Variants in DDX60 observed in about 807,000 individuals in gnomAD.
The protein encoded by DDX60 is probable ATP-dependent RNA helicase DDX60.
DDX60 carries 165 observed loss-of-function variants against 212.8 expected under a neutral mutation model. The observed-to-expected ratio is 0.78, with a 90% CI of 0.68 to 0.88. The LOEUF is 0.88. Among genes scored for constraint, DDX60 ranks in the 40% least tolerant of loss-of-function variants. The pLI, the probability that DDX60 is intolerant of heterozygous loss-of-function variation, is 0.00. For missense variants in DDX60, 1,905 were observed against 2,003.9 expected (o/e 0.95, Z 0.94); for synonymous variants, 703 against 685.3 (o/e 1.03, Z -0.40).
At chr4:168,295,440 G>C (rs1490297109) in intron 6 of DDX60, among the ~76,000 whole-genome samples, 1 of 152,182 alleles carries the variant, frequency 6.6e-6, no homozygotes, top group Non-Finnish European at 1.5e-5. Flanking sequence ...ACACTGCTGA[G>C]CGTTCAAACT....
intron 30 of DDX60, among the ~76,000 whole-genome samples, chr4:168,239,819 T>G (rs1490905784): frequency 6.6e-6 from 1 of 151,962 alleles, no homozygotes; most frequent in Non-Finnish European, 1.5e-5. Context: ...CAGGATCTCA[T>G]AGACTGTGAC....
the DDX60 span, among the ~76,000 whole-genome samples, chr4:168,325,133 G>C: frequency 3.3e-5 from 5 of 152,194 alleles, no homozygotes; most frequent in African/African-American, 1.2e-4. Flanking sequence ...CATTAAGTTT[G>C]TGAGGAGCCA....
At chr4:168,282,877 A>G (rs540595968) in intron 13 of DDX60, among the ~76,000 whole-genome samples, 1 of 152,162 alleles carries the variant, frequency 6.6e-6, no homozygotes, top group South Asian at 2.1e-4. Context: ...TTCCTTATTT[A>G]CTCCTTGTAT....
intron 19 of DDX60, among the ~76,000 whole-genome samples, chr4:168,269,842 C>G (rs1735014361): frequency 6.6e-6 from 1 of 152,106 alleles, no homozygotes; most frequent in Non-Finnish European, 1.5e-5. Flanking sequence ...TACCCAAGAG[C>G]TTTCACGTAT....
In DDX60 at chr4:168,287,135, A is replaced by C; in HGVS notation, c.1252T>G (p.Leu418Val). 1 of 1,612,156 alleles carries C rather than the reference A, an allele frequency of 6.2e-7. No individual in the cohort carries two copies. Among genetic ancestry groups the C allele is most frequent in the Non-Finnish European group, 8.5e-7 (1 of 1,179,120 alleles). Residue 418 changes from leucine to valine, a missense_variant, in exon 10 of 38, where the codon TTG becomes GTG. Leu to Val is a conservative substitution (Grantham distance 32). Transcript: ENST00000393743. ...YEYLWNTVSK[L>V]VRDFEVGQPF... The stretch of plus-strand genomic sequence containing the variant: ...TGTCCAACCTCAAAGTCTCTGACCA[A>C]CTTTGATACGGTATTCCAGAGATAT...
chr4:168,254,734 A>T (rs1189593828), intron 26 of DDX60, among the ~76,000 whole-genome samples: 2 of 152,204 alleles, frequency 1.3e-5, no homozygotes, highest in African/African-American at 4.8e-5. Flanking sequence ...TGCAGGAATC[A>T]AGGAAAGATT....
At chr4:168,243,020 G>A (rs1377464838) in intron 30 of DDX60, among the ~76,000 whole-genome samples, 1 of 152,192 alleles carries the variant, frequency 6.6e-6, no homozygotes, top group South Asian at 2.1e-4. Context: ...TTTAAAAAGA[G>A]GAGTTCCCTT....
At chr4:168,235,958 T>C (rs969851447) in intron 33 of DDX60, 1 of 296,576 alleles carries the variant, frequency 3.4e-6, no homozygotes, top group Non-Finnish European at 6.2e-6. Flanking sequence ...TAATGTATAA[T>C]TAGCATATCT....
chr4:168,289,072 A>G (rs1023165762), intron 8 of DDX60, among the ~76,000 whole-genome samples: 3 of 152,174 alleles, frequency 2.0e-5, no homozygotes, highest in African/African-American at 7.2e-5. Flanking sequence ...TCTCAACTTG[A>G]TCATTCATTA....
chr4:168,223,038 C>A (rs1278966400), intron 35 of DDX60, among the ~76,000 whole-genome samples: 1 of 152,016 alleles, frequency 6.6e-6, no homozygotes, highest in Non-Finnish European at 1.5e-5. Flanking sequence ...TATTCCTTCA[C>A]TTTTCATAAA....
In DDX60 at chr4:168,283,526, T is replaced by C; in HGVS notation, c.1642A>G (p.Thr548Ala). The stretch of plus-strand genomic sequence containing the variant: ...GTCACGATGATTTTCGAAGAGACTG[T>C]TTCTAATGAATTCCCATAAAACCGT... ...FQRFYGNSLE[T>A]VSSKIIVTQT... The change falls in exon 13 of 38, where the codon ACA (threonine) becomes GCA (alanine). Residue 548 changes from threonine (T) to alanine (A), a missense_variant. Coordinates refer to ENST00000393743, the MANE Select transcript of DDX60 (RefSeq NM_017631.6). 1 of 1,613,506 alleles carries C rather than the reference T, an allele frequency of 6.2e-7. No individual in the cohort carries two copies. The highest frequency in any genetic ancestry group is 8.5e-7 in the Non-Finnish European group (1 of 1,179,650).
At chr4:168,252,755 T>C in intron 26 of DDX60, 99 bp from the exon 27 acceptor site, 3 of 805,552 alleles carry the variant, frequency 3.7e-6, no homozygotes, top group Non-Finnish European at 5.8e-6. Flanking sequence ...ACTTCCCAAG[T>C]CAGTCTTCTC....
chr4:168,236,307 C>T lies in DDX60; in HGVS notation c.4478G>A (p.Arg1493Lys), dbSNP rs1373349251. Residue 1493 changes from arginine (R) to lysine (K), a missense_variant, in exon 33 of 38, where the codon AGA becomes AAA. Transcript: ENST00000393743. ...LVLVLAHLFG[R>K]RYFPPKFQDA... Reference sequence around the variant, plus strand: ...TTGGAACTTTGGTGGAAAATATCTTCTTCCAAAGAGATGTGCCAATACTAA... The same window carrying T: ...TTGGAACTTTGGTGGAAAATATCTTTTTCCAAAGAGATGTGCCAATACTAA... 9.3e-6 allele frequency: 15 copies of T among 1,610,810 alleles called. No homozygotes were observed. Among genetic ancestry groups the T allele is most frequent in the Admixed American group, 1.7e-5 (1 of 59,646 alleles).
chr4:168,275,609 C>A, intron 15 of DDX60, 106 bp from the exon 16 acceptor site: 1 of 981,020 alleles, frequency 1.0e-6, no homozygotes, highest in African/African-American at 1.7e-5. Context: ...AAGCATTTTA[C>A]CACCTTTTAA....
chr4:168,242,574 CT>C (rs1238385930), intron 30 of DDX60, among the ~76,000 whole-genome samples: 1 of 152,158 alleles, frequency 6.6e-6, no homozygotes, highest in African/African-American at 2.4e-5. Context: ...TGCATGGGGC[CT>C]GTGGTGCCTT....
intron 30 of DDX60, among the ~76,000 whole-genome samples, chr4:168,240,187 G>A (rs114540512): frequency 0.059 from 8,911 of 151,984 alleles, 451 homozygotes; most frequent in East Asian, 0.15. Flanking sequence ...ACAGACAAGC[G>A]GAGAGCCAAA....
chr4:168,286,706 T>C (rs1038055403), intron 10 of DDX60, among the ~76,000 whole-genome samples: 2 of 152,112 alleles, frequency 1.3e-5, no homozygotes, highest in African/African-American at 4.8e-5. Flanking sequence ...GCTATAATGT[T>C]ATAAAAAGAT....
At chr4:168,290,905 T>A (rs759669350) in intron 8 of DDX60, among the ~76,000 whole-genome samples, 3 of 152,178 alleles carry the variant, frequency 2.0e-5, no homozygotes, top group Non-Finnish European at 2.9e-5. Flanking sequence ...AGTTAATTGG[T>A]CATAAAATAC....
intron 6 of DDX60, among the ~76,000 whole-genome samples, chr4:168,295,629 T>C (rs999386173): frequency 2.0e-5 from 3 of 151,778 alleles, no homozygotes; most frequent in Non-Finnish European, 4.4e-5. Flanking sequence ...GAATCGTTCA[T>C]TGCTCAATTA....
Sources: gnomAD v4.1 joint callset for allele counts (sites outside exome capture counted in the v4.1 genomes callset) on GRCh38, gnomAD v4.1.1 for gene constraint, MANE v1.5 for transcripts, NCBI Gene and HGNC (gene_info 2026-07-23, HGNC 2026-07-21) for gene names.